The following COMMD1 variants were observed in gnomAD, a reference collection of about 807,000 sequenced individuals.
The protein encoded by COMMD1 is COMM domain-containing protein 1.
In COMMD1, 10 loss-of-function variants were observed where a neutral mutation model predicts 17.2. The observed-to-expected ratio is 0.58, with a 90% CI of 0.36 to 0.99. The LOEUF is 0.99. Among genes scored for constraint, COMMD1 ranks in the 50% least tolerant of loss-of-function variants. COMMD1 has a pLI of 0.01. For synonymous variants in COMMD1, 97 were observed against 91.6 expected (o/e 1.06, Z -0.34); for missense variants, 270 against 231.8 (o/e 1.17, Z -1.07).
intron 2 of COMMD1, among the ~76,000 whole-genome samples, chr2:62,076,198 CTG>C (rs1180396718): frequency 6.7e-6 from 1 of 150,008 alleles, no homozygotes; most frequent in Non-Finnish European, 1.5e-5. Flanking sequence ...GTTCAAAACA[CTG>C]TGTAGATGCA....
chr2:62,096,178 T>C (rs1464253410), intron 2 of COMMD1, among the ~76,000 whole-genome samples: 1 of 152,092 alleles, frequency 6.6e-6, no homozygotes, highest in Admixed American at 6.6e-5. Flanking sequence ...TGACATTAGG[T>C]AGGAATGCTG....
At chr2:61,992,814 C>T (rs1235186594) in intron 1 of COMMD1, among the ~76,000 whole-genome samples, 3 of 152,206 alleles carry the variant, frequency 2.0e-5, no homozygotes, top group Admixed American at 6.5e-5. Context: ...TATTCCTCTG[C>T]GACACATTTA....
chr2:61,910,810 G>A (rs976086292), intron 1 of COMMD1, among the ~76,000 whole-genome samples: 7 of 152,084 alleles, frequency 4.6e-5, no homozygotes, highest in Non-Finnish European at 8.8e-5. Context: ...TAGGCCGGGC[G>A]CCACGGCTCA....
chr2:62,122,908 G>A (rs1445057312), intron 2 of COMMD1, among the ~76,000 whole-genome samples: 1 of 152,222 alleles, frequency 6.6e-6, no homozygotes, highest in African/African-American at 2.4e-5. Context: ...CAGGCCCTGA[G>A]CCTGCAGATA....
intron 2 of COMMD1, among the ~76,000 whole-genome samples, chr2:62,024,206 TTTTTTGTTTTTTG>T (rs779289937): frequency 1.3e-5 from 2 of 152,008 alleles, no homozygotes; most frequent in Non-Finnish European, 2.9e-5. Flanking sequence ...CGGTGATGAT[TTTTTTGTTTTTTG>T]TTTTTGTTTT....
chr2:62,065,630 C>T (rs1036941124), intron 2 of COMMD1, among the ~76,000 whole-genome samples: 16 of 152,080 alleles, frequency 1.1e-4, no homozygotes, highest in African/African-American at 3.9e-4. Context: ...CTTATATATA[C>T]TTACTTTAAA....
At chr2:62,108,001 A>T (rs894582374) in intron 2 of COMMD1, among the ~76,000 whole-genome samples, 4 of 152,068 alleles carry the variant, frequency 2.6e-5, no homozygotes, top group African/African-American at 9.7e-5. Context: ...CAGCAAAATG[A>T]GTCTGTTTAT....
intron 2 of COMMD1, among the ~76,000 whole-genome samples, chr2:62,072,696 C>G (rs757816169): frequency 6.6e-6 from 1 of 152,206 alleles, no homozygotes; most frequent in Non-Finnish European, 1.5e-5. Flanking sequence ...CCTTGGGGCT[C>G]CATGTTTGCT....
chr2:62,066,117 C>T (rs903571883), intron 2 of COMMD1, among the ~76,000 whole-genome samples: 2 of 152,076 alleles, frequency 1.3e-5, no homozygotes, highest in Non-Finnish European at 2.9e-5. Context: ...GGGTACTTGT[C>T]CTTATTTCTT....
intron 1 of COMMD1, among the ~76,000 whole-genome samples, chr2:61,909,705 T>G (rs978627800): frequency 6.6e-6 from 1 of 152,202 alleles, no homozygotes; most frequent in African/African-American, 2.4e-5. Context: ...CTTTCAGTTA[T>G]CTATGTAATA....
chr2:62,053,861 T>A (rs1187738636), intron 2 of COMMD1, among the ~76,000 whole-genome samples: 2 of 152,182 alleles, frequency 1.3e-5, no homozygotes, highest in African/African-American at 4.8e-5. Context: ...AATAGACAAA[T>A]GGAACTTAAA....
chr2:62,032,676 A>G (rs1222232961), intron 2 of COMMD1, among the ~76,000 whole-genome samples: 1 of 152,198 alleles, frequency 6.6e-6, no homozygotes, highest in Non-Finnish European at 1.5e-5. Flanking sequence ...ACATCCCTAT[A>G]GATTTCCCCC....
intron 2 of COMMD1, among the ~76,000 whole-genome samples, chr2:62,010,285 A>T (rs981646112): frequency 6.6e-6 from 1 of 151,932 alleles, no homozygotes; most frequent in Non-Finnish European, 1.5e-5. Context: ...TTTTCCTGCT[A>T]GCCTTCTAGC....
intron 2 of COMMD1, among the ~76,000 whole-genome samples, chr2:62,078,400 A>AATAAAAT (rs1671413127): frequency 2.1e-5 from 3 of 146,130 alleles, no homozygotes; most frequent in South Asian, 4.3e-4. Flanking sequence ...AAAAATAAAA[A>AATAAAAT]AAATTAGCCG....
intron 1 of COMMD1, among the ~76,000 whole-genome samples, chr2:61,954,737 A>G (rs929841757): frequency 6.6e-6 from 1 of 151,980 alleles, no homozygotes; most frequent in Non-Finnish European, 1.5e-5. Flanking sequence ...GCTAGAGTGC[A>G]ATGGCACGAT....
chr2:61,915,796 T>C, intron 1 of COMMD1: 1 of 371,264 alleles, frequency 2.7e-6, no homozygotes, highest in South Asian at 2.1e-5. Flanking sequence ...ACGCTTGGCC[T>C]TTTATAGCCT....
In COMMD1 at chr2:62,127,549, A is replaced by G. The variant is rs570751271; in HGVS notation, c.463-8282A>G. Reference sequence around the variant, plus strand: ...CAGACTCATAGATGAATGGAACAGAATAGAGAACCCAGAAATAAGACTGCA... The same window carrying G: ...CAGACTCATAGATGAATGGAACAGAGTAGAGAACCCAGAAATAAGACTGCA... On this transcript the variant is annotated intron_variant, in intron 2 of 2. Transcript: ENST00000311832. 4.6e-5 allele frequency among the ~76,000 whole-genome samples: 7 copies of G among 152,350 alleles called. No individual in the cohort carries two copies. The East Asian group carries it at 1.3e-3, about 29-fold the overall frequency.
intron 2 of COMMD1, among the ~76,000 whole-genome samples, chr2:62,076,817 A>G (rs1420752218): frequency 6.6e-6 from 1 of 152,146 alleles, no homozygotes; most frequent in Non-Finnish European, 1.5e-5. Flanking sequence ...AAGACAAACA[A>G]GTGGCTTGTT....
intron 1 of COMMD1, among the ~76,000 whole-genome samples, chr2:61,966,274 C>G (rs1182031759): frequency 6.6e-6 from 1 of 152,152 alleles, no homozygotes. Flanking sequence ...TGGAAATTTC[C>G]TTGCATGATG....
Sources: allele counts gnomAD v4.1 joint callset (sites outside exome capture counted in the v4.1 genomes callset), GRCh38; gene constraint gnomAD v4.1.1; transcripts MANE v1.5; gene names NCBI Gene and HGNC (gene_info 2026-07-23, HGNC 2026-07-21).